MYCBPAP: variants seen among roughly 807,000 people sequenced by gnomAD.
The protein encoded by MYCBPAP is MYCBP associated protein.
A neutral mutation model predicts 106.1 loss-of-function variants in MYCBPAP; 60 were observed. That is an observed-to-expected ratio of 0.57 (90% CI 0.46 to 0.70). The LOEUF (loss-of-function observed/expected upper bound fraction) is 0.70, where lower values mean the gene tolerates loss of function less well. MYCBPAP is among the 30% of genes least tolerant of loss of function. The probability of loss-of-function intolerance (pLI) is 0.00; values close to 1 mark genes in which losing one functional copy is unlikely to be tolerated. For missense variants in MYCBPAP, 1,064 were observed against 1,169.3 expected (o/e 0.91, Z 1.31); for synonymous variants, 407 against 440.6 (o/e 0.92, Z 0.95).
intron 2 of MYCBPAP, among the ~76,000 whole-genome samples, 158 bp from the exon 3 acceptor site, chr17:50,517,135 T>C (rs1029000149): frequency 6.6e-6 from 1 of 152,128 alleles, no homozygotes; most frequent in African/African-American, 2.4e-5. Context: ...CACATATCTG[T>C]TACACAGGCA....
chr17:50,522,709 A>ATATATAT (rs1555620722), intron 10 of MYCBPAP: 16 of 50,042 alleles, frequency 3.2e-4, no homozygotes, highest in African/African-American at 1.4e-3. Context: ...AAAAAAAAAA[A>ATATATAT]ATATATATAT....
At chr17:50,508,347 G>A, upstream of MYCBPAP, 1 of 488,852 alleles carries the variant, frequency 2.0e-6, no homozygotes, top group Non-Finnish European at 3.5e-6. Context: ...AACTCGCGGG[G>A]GTCCTCGCCC....
At chr17:50,523,565 T>C (rs1426747616) in intron 11 of MYCBPAP, 32 bp from the exon 12 acceptor site, 24 of 1,610,992 alleles carry the variant, frequency 1.5e-5, no homozygotes, top group Non-Finnish European at 2.0e-5. Flanking sequence ...AGCTCCTGCA[T>C]GTTGAAAACC....
At chr17:50,511,039 A>G (rs371650346) in intron 1 of MYCBPAP, among the ~76,000 whole-genome samples, 1 of 136,290 alleles carries the variant, frequency 7.3e-6, no homozygotes, top group Admixed American at 7.4e-5. Context: ...TGAGTTAAGA[A>G]CATGCACCAG....
At chr17:50,516,813 A>C in intron 2 of MYCBPAP, 116 bp downstream of exon 2, 1 of 1,102,160 alleles carries the variant, frequency 9.1e-7, no homozygotes, top group Non-Finnish European at 1.3e-6. Flanking sequence ...TCCATGGAAA[A>C]ACCCACTGAA....
At chr17:50,510,526 T>A (rs986987864) in intron 1 of MYCBPAP, 4 of 137,082 alleles carry the variant, frequency 2.9e-5, no homozygotes, top group Non-Finnish European at 6.3e-5. Flanking sequence ...TATATATATA[T>A]ATATATATAT....
chr17:50,507,974 G>T (rs1468953832), upstream of MYCBPAP, among the ~76,000 whole-genome samples: 1 of 152,250 alleles, frequency 6.6e-6, no homozygotes, highest in Non-Finnish European at 1.5e-5. Flanking sequence ...CCAAGTCAGG[G>T]CAAAAGTTTT....
rs202107533 is a variant in MYCBPAP at position 50,526,282 on chromosome 17, C to G, written c.2169+15C>G. ...ACTTCAGAAAGGTGCTTCCAAGACC[C>G]TGGAAGGCAATGGTAGAGAATATTC... On this transcript the variant is annotated intron_variant, in intron 14 of 18. Coordinates refer to ENST00000323776, the MANE Select transcript of MYCBPAP (RefSeq NM_032133.6). 1.9e-4 allele frequency: 298 copies of G among 1,577,942 alleles called. No homozygotes were observed. Among genetic ancestry groups the G allele is most frequent in the Admixed American group, 3.0e-4 (16 of 54,084 alleles).
At position 50,525,581 on chromosome 17, in the gene MYCBPAP, G is replaced by A. The variant is rs139304631; in HGVS notation, c.1783-300G>A. 3.4e-4 allele frequency among the ~76,000 whole-genome samples: 52 copies of A among 151,200 alleles called. No homozygotes were observed. In the East Asian group the frequency reaches 8.2e-3, roughly 24 times the overall value. On this transcript the variant is annotated intron_variant, in intron 13 of 18. Coordinates refer to ENST00000323776, the MANE Select transcript of MYCBPAP (RefSeq NM_032133.6). ...AGCTCATTGTGACCTCAAACTCCCC[G>A]GCTCAGGTGATCCTCCCACCTCAGC...
chr17:50,516,645 T>G lies in MYCBPAP; in HGVS notation c.152T>G (p.Leu51Arg). The G allele has an allele frequency of 1.2e-6, 2 of 1,614,172 alleles. No individual in the cohort carries two copies. The highest frequency in any genetic ancestry group is 2.7e-5 in the African/African-American group (2 of 75,050). The change falls in exon 2 of 19, where the codon CTA (leucine) becomes CGA (arginine). Residue 51 changes from leucine to arginine, a missense_variant. Physicochemically the swap from Leu to Arg is moderately radical, Grantham distance 102. Transcript: ENST00000323776. ...QEEPEPVSNV[L>R]QGDDILALAI... ...GAGCCTGAACCTGTTAGCAATGTCCTACAAGGAGATGACATTCTTGCCTTG... is the reference window on the plus strand; with the variant it reads ...GAGCCTGAACCTGTTAGCAATGTCCGACAAGGAGATGACATTCTTGCCTTG...
intron 18 of MYCBPAP, 125 bp from the exon 19 acceptor site, chr17:50,531,202 T>A: frequency 1.6e-6 from 1 of 627,506 alleles, no homozygotes; most frequent in Non-Finnish European, 2.6e-6. Context: ...AACTTTGAAC[T>A]TGTGAAATTC....
intron 1 of MYCBPAP, among the ~76,000 whole-genome samples, chr17:50,512,193 A>G (rs974448261): frequency 1.3e-5 from 2 of 151,542 alleles, no homozygotes; most frequent in Non-Finnish European, 2.9e-5. Context: ...AGCTGGGACT[A>G]CAGGTGCCCG....
intron 1 of MYCBPAP, 61 bp from the exon 2 acceptor site, chr17:50,516,509 A>G: frequency 2.6e-6 from 4 of 1,559,584 alleles, no homozygotes; most frequent in East Asian, 2.3e-5. Context: ...TTTTGTATGT[A>G]TATATTGATA....
At position 50,519,716 on chromosome 17, in the gene MYCBPAP, C is replaced by A. The variant is rs1203184896; in HGVS notation, c.845C>A (p.Thr282Lys). ...DEMTGLVMTK[T>K]KTQRGLMEPI... ...ATGACAGGTCTGGTCATGACCAAGACAAAAACTCAGCGTGGCCTCATGGAG... is the reference window on the plus strand; with the variant it reads ...ATGACAGGTCTGGTCATGACCAAGAAAAAAACTCAGCGTGGCCTCATGGAG... Residue 282 changes from threonine to lysine, a missense_variant, in exon 7 of 19, where the codon ACA becomes AAA. Physicochemically the swap from Thr to Lys is moderately conservative, Grantham distance 78. Transcript: ENST00000323776. The A allele has an allele frequency of 1.9e-6, 3 of 1,614,152 alleles. No individual in the cohort carries two copies. The highest frequency in any genetic ancestry group is 2.5e-6 in the Non-Finnish European group (3 of 1,180,022).
chr17:50,508,150 C>G (rs944706294), upstream of MYCBPAP, among the ~76,000 whole-genome samples: 3 of 150,234 alleles, frequency 2.0e-5, no homozygotes, highest in Admixed American at 6.6e-5. Context: ...GATCCCCCCC[C>G]AGAACCGCTG....
At chr17:50,508,004 G>A (rs1472298400), upstream of MYCBPAP, among the ~76,000 whole-genome samples, 1 of 152,236 alleles carries the variant, frequency 6.6e-6, no homozygotes, top group Non-Finnish European at 1.5e-5. Context: ...GGGAAGTGAT[G>A]AAAGGCCAAA....
chr17:50,529,617 G>T, intron 18 of MYCBPAP: 1 of 404,644 alleles, frequency 2.5e-6, no homozygotes, highest in Non-Finnish European at 5.0e-6. Flanking sequence ...GGGATTTTTC[G>T]GAGTGAAATG....
chr17:50,528,801 CAAAG>C lies in MYCBPAP; in HGVS notation c.2517_2520del (p.Glu840ThrfsTer28), dbSNP rs1567897451. The stretch of plus-strand genomic sequence containing the variant: ...AAAAGAAGCAACTGGGGATCAAAGA[CAAAG>C]AAGACAAGAAAGGAGCCAAGCTGCT... On this transcript the variant is annotated frameshift_variant, in exon 17 of 19. Coordinates refer to ENST00000323776, the MANE Select transcript of MYCBPAP (RefSeq NM_032133.6). LOFTEE classifies it high-confidence loss of function. 21 of 1,613,630 alleles carry C rather than the reference CAAAG, an allele frequency of 1.3e-5. No individual in the cohort carries two copies. Among genetic ancestry groups the C allele is most frequent in the East Asian group, 4.5e-5 (2 of 44,852 alleles).
intron 2 of MYCBPAP, 101 bp from the exon 3 acceptor site, chr17:50,517,192 A>C (rs2034082473): frequency 1.2e-5 from 13 of 1,070,636 alleles, no homozygotes; most frequent in Non-Finnish European, 1.9e-5. Flanking sequence ...CAGATCTGTC[A>C]GCCTTCAGGA....
Sources: gnomAD v4.1 joint callset for allele counts (sites outside exome capture counted in the v4.1 genomes callset) on GRCh38, gnomAD v4.1.1 for gene constraint, MANE v1.5 for transcripts, NCBI Gene and HGNC (gene_info 2026-07-23, HGNC 2026-07-21) for gene names.